The following LRRC69 variants were observed in gnomAD, a reference collection of about 807,000 sequenced individuals.
LRRC69 encodes the protein leucine rich repeat containing 69.
LRRC69 carries 42 observed loss-of-function variants against 37.8 expected under a neutral mutation model. That is an observed-to-expected ratio of 1.11 (90% CI 0.87 to 1.44). The LOEUF is 1.44. LRRC69 is among the 40% of genes most tolerant of loss of function. The pLI is 0.00. For missense variants in LRRC69, 357 were observed against 401.9 expected (o/e 0.89, Z 0.96); for synonymous variants, 141 against 143.1 (o/e 0.99, Z 0.11).
intron 6 of LRRC69, among the ~76,000 whole-genome samples, chr8:91,191,653 G>A (rs1809497910): frequency 1.3e-5 from 2 of 152,110 alleles, no homozygotes; most frequent in African/African-American, 2.4e-5. Flanking sequence ...GAGGGAAATG[G>A]AGACAGGGTC....
chr8:91,120,715 C>T (rs1349277351), intron 1 of LRRC69, among the ~76,000 whole-genome samples: 2 of 152,110 alleles, frequency 1.3e-5, no homozygotes, highest in Non-Finnish European at 2.9e-5. Flanking sequence ...CACGACTCAG[C>T]TGTGGGATGT....
chr8:91,107,806 G>A (rs1341467783), intron 1 of LRRC69, among the ~76,000 whole-genome samples: 1 of 152,036 alleles, frequency 6.6e-6, no homozygotes. Flanking sequence ...AATTTATGGT[G>A]AATGCATTTG....
At chr8:91,185,323 GTGTC>G (rs1554595214) in intron 5 of LRRC69, among the ~76,000 whole-genome samples, 425 of 151,566 alleles carry the variant, frequency 2.8e-3, no homozygotes, top group African/African-American at 9.1e-3. Flanking sequence ...GAAGGTCTCA[GTGTC>G]TGTCTGTCTG....
rs991883727 is a variant in LRRC69 at position 91,152,946 on chromosome 8, G to A, written c.651+17207G>A. Among the ~76,000 whole-genome samples the A allele has an allele frequency of 4.0e-5, 6 of 151,218 alleles. No homozygotes were observed. In the East Asian group the frequency reaches 7.8e-4, roughly 20 times the overall value. On this transcript the variant is annotated intron_variant, in intron 5 of 7. Transcript: ENST00000448384. ...CACAGACTGACAAATTGGATAAAGT[G>A]TCAAGACCCATCAGTGTGCTGTATT...
intron 5 of LRRC69, among the ~76,000 whole-genome samples, chr8:91,145,510 C>G (rs1394943516): frequency 1.3e-5 from 2 of 151,902 alleles, no homozygotes; most frequent in African/African-American, 4.8e-5. Context: ...TTAAATGCCT[C>G]TCTAAAATTT....
intron 7 of LRRC69, among the ~76,000 whole-genome samples, chr8:91,203,428 G>A (rs1179690420): frequency 6.7e-6 from 1 of 149,268 alleles, no homozygotes; most frequent in East Asian, 2.0e-4. Context: ...GTCTGGCTCT[G>A]TCACCCAGCC....
At position 91,114,988 on chromosome 8, in the gene LRRC69, TA is replaced by T. The variant is rs367631360; in HGVS notation, c.184-9500del. On this transcript the variant is annotated intron_variant, in intron 1 of 7. Transcript: ENST00000448384. Reference sequence around the variant, plus strand: ...CATGATTTCATTTATACATGGAATATAAAAATGTCAGACTCAGAATCAGAGA... The same window carrying T: ...CATGATTTCATTTATACATGGAATATAAAATGTCAGACTCAGAATCAGAGA... 9.8e-4 allele frequency among the ~76,000 whole-genome samples: 149 copies of T among 152,028 alleles called. 2 individuals carry two copies. The East Asian group carries it at 0.024, about 24-fold the overall frequency.
At chr8:91,175,045 C>G (rs1447445057) in intron 5 of LRRC69, among the ~76,000 whole-genome samples, 1 of 152,132 alleles carries the variant, frequency 6.6e-6, no homozygotes, top group Non-Finnish European at 1.5e-5. Context: ...ATTGGAGGGA[C>G]TTATCTATCT....
intron 7 of LRRC69, among the ~76,000 whole-genome samples, chr8:91,213,354 A>C (rs1809971725): frequency 6.6e-6 from 1 of 152,316 alleles, no homozygotes. Flanking sequence ...CTGTAAAAAC[A>C]ACAGGAAACC....
chr8:91,215,480 G>A (rs34530416), intron 7 of LRRC69, among the ~76,000 whole-genome samples: 7,908 of 152,170 alleles, frequency 0.052, 277 homozygotes, highest in Middle Eastern at 0.16. Context: ...TTAGCAAAGA[G>A]TAATATTTGA....
intron 3 of LRRC69, 148 bp downstream of exon 3, chr8:91,127,308 A>G (rs1225255759): frequency 5.3e-6 from 3 of 564,436 alleles, no homozygotes; most frequent in Non-Finnish European, 9.2e-6. Flanking sequence ...CAAGCCACTA[A>G]TTTTAAGCAG....
At position 91,211,928 on chromosome 8, in the gene LRRC69, AATT is replaced by A. The variant is rs548572449; in HGVS notation, c.934-6959_934-6957del. 5.9e-5 allele frequency among the ~76,000 whole-genome samples: 9 copies of A among 152,178 alleles called. No homozygotes were observed. In the South Asian group the frequency reaches 1.0e-3, roughly 18 times the overall value. ...ATTGCTTCTATTCAGGTGAATGTAA[AATT>A]ATGTCATGCTTGCTTTAATGAAATA... On this transcript the variant is annotated intron_variant, in intron 7 of 7. Coordinates refer to ENST00000448384, the Ensembl canonical transcript of LRRC69.
chr8:91,188,273 A>G (rs2130608199), intron 5 of LRRC69, among the ~76,000 whole-genome samples: 1 of 152,360 alleles, frequency 6.6e-6, no homozygotes, highest in East Asian at 1.9e-4. Flanking sequence ...GATATCCCAG[A>G]TGTTTAAAAT....
intron 5 of LRRC69, among the ~76,000 whole-genome samples, chr8:91,153,400 C>G (rs1375250727): frequency 1.3e-5 from 2 of 151,124 alleles, no homozygotes. Flanking sequence ...CCCCAAACAA[C>G]AGAATATACA....
chr8:91,130,472 G>A (rs12677214), intron 3 of LRRC69: 69,927 of 151,288 alleles, frequency 0.46, 17,785 homozygotes, highest in South Asian at 0.65. Flanking sequence ...ATGGGGTTTC[G>A]CCATGTCTGC....
At chr8:91,188,079 A>G (rs1256818080) in intron 5 of LRRC69, among the ~76,000 whole-genome samples, 17 of 152,186 alleles carry the variant, frequency 1.1e-4, no homozygotes. Flanking sequence ...TAGAGCTGCC[A>G]TTGGGTTCAA....
chr8:91,107,951 G>A (rs2130475060), intron 1 of LRRC69, among the ~76,000 whole-genome samples: 1 of 152,146 alleles, frequency 6.6e-6, no homozygotes, highest in Non-Finnish European at 1.5e-5. Context: ...GAGTGAAATG[G>A]AAGTAATTTT....
chr8:91,124,125 T>C (rs1813676606), intron 1 of LRRC69, among the ~76,000 whole-genome samples: 1 of 151,962 alleles, frequency 6.6e-6, no homozygotes, highest in Non-Finnish European at 1.5e-5. Context: ...TTAGCTCCTT[T>C]GCTGAGTGTT....
intron 6 of LRRC69, among the ~76,000 whole-genome samples, chr8:91,193,428 T>A (rs1408937200): frequency 4.7e-4 from 67 of 141,068 alleles, no homozygotes; most frequent in Non-Finnish European, 9.1e-4. Flanking sequence ...AATCTGTAAA[T>A]TACCTTGGGT....
Sources: allele counts gnomAD v4.1 joint callset (sites outside exome capture counted in the v4.1 genomes callset), GRCh38; gene constraint gnomAD v4.1.1; transcripts MANE v1.5; gene names NCBI Gene and HGNC (gene_info 2026-07-23, HGNC 2026-07-21).